GDPD1: variants seen among roughly 807,000 people sequenced by gnomAD.
GDPD1 encodes the protein lysophospholipase D GDPD1.
GDPD1 carries 28 observed loss-of-function variants against 45.1 expected under a neutral mutation model. That is an observed-to-expected ratio of 0.62 (90% CI 0.46 to 0.85). The LOEUF is 0.85. Ranked by LOEUF, GDPD1 falls within the 40% of genes least tolerant of loss-of-function variation. GDPD1 has a pLI of 0.00. For synonymous variants in GDPD1, 139 were observed against 131.4 expected, an observed-to-expected ratio of 1.06 and a Z score of -0.40; for missense variants, 256 against 364.8, an observed-to-expected ratio of 0.70 and a Z score of 2.43.
rs1367522656 is a variant in GDPD1, at chr17:59,275,471, A to G, written c.*1698A>G. 1 of 251,270 alleles carries G rather than the reference A, an allele frequency of 4.0e-6. No individual in the cohort carries two copies. The highest frequency in any genetic ancestry group is 8.0e-5 in the East Asian group (1 of 12,558). The allele number at this position is 251,270 out of a possible 1,614,324, so 15.6% of individuals were successfully genotyped here. On this transcript the variant is annotated 3_prime_UTR_variant, in exon 10 of 10. Transcript: ENST00000284116. ...AAAAGGAACTTACCAGTTGTAAATT[A>G]AGACAAGATCCAAATAGTCATATTT...
chr17:59,220,585 G>A lies in GDPD1; in HGVS notation c.-25G>A, dbSNP rs1459991301. On this transcript the variant is annotated 5_prime_UTR_variant, in exon 1 of 10. Transcript: ENST00000284116. ...GCGGAGTTCAGAGGGCCCGGAGGTG[G>A]GAGACTTCCCACACGGTGACTGAGA... 3 of 1,609,486 alleles carry A rather than the reference G, an allele frequency of 1.9e-6. No homozygotes were observed. Among genetic ancestry groups the A allele is most frequent in the Non-Finnish European group, 2.5e-6 (3 of 1,177,358 alleles).
At chr17:59,252,243 T>G (rs548904626) in intron 4 of GDPD1, among the ~76,000 whole-genome samples, 1 of 151,802 alleles carries the variant, frequency 6.6e-6, no homozygotes, top group South Asian at 2.1e-4. Context: ...ATACAAAAAT[T>G]TTTAAATTTT....
At chr17:59,267,614 T>C (rs932479921) in intron 7 of GDPD1, among the ~76,000 whole-genome samples, 1 of 151,240 alleles carries the variant, frequency 6.6e-6, no homozygotes, top group Non-Finnish European at 1.5e-5. Context: ...CCTCTGGAGA[T>C]AGGAAAATAA....
At position 59,275,199 on chromosome 17, in the gene GDPD1, G is replaced by T. The variant is rs1292687345; in HGVS notation, c.*1426G>T. ...TTTGGTAGTGTCTTGTTATTTCTAG[G>T]TGTACCTTAGTTAAAGAGGAAAAAT... On this transcript the variant is annotated 3_prime_UTR_variant, in exon 10 of 10. Coordinates refer to ENST00000284116, the MANE Select transcript of GDPD1 (RefSeq NM_182569.4). The T allele has an allele frequency of 2.0e-6, 3 of 1,536,440 alleles. No individual in the cohort carries two copies. In the African/African-American group the frequency reaches 4.1e-5, roughly 21 times the overall value.
intron 7 of GDPD1, among the ~76,000 whole-genome samples, chr17:59,270,527 C>T (rs968442492): frequency 1.3e-5 from 2 of 151,870 alleles, no homozygotes; most frequent in African/African-American, 2.4e-5. Flanking sequence ...AAGGAAAACA[C>T]GTGGTAAACT....
chr17:59,255,759 A>T (rs2047292963), intron 4 of GDPD1, among the ~76,000 whole-genome samples: 2 of 81,678 alleles, frequency 2.4e-5, no homozygotes, highest in African/African-American at 1.6e-4. Flanking sequence ...AAAAAAAAAA[A>T]AAAATATATA....
chr17:59,264,323 T>C (rs2047382119), intron 6 of GDPD1, among the ~76,000 whole-genome samples: 1 of 149,094 alleles, frequency 6.7e-6, no homozygotes, highest in East Asian at 2.0e-4. Context: ...TGAGACAGAG[T>C]CTCACTCTTG....
At chr17:59,252,869 G>A (rs1392972988) in intron 4 of GDPD1, among the ~76,000 whole-genome samples, 2 of 151,582 alleles carry the variant, frequency 1.3e-5, no homozygotes, top group South Asian at 2.1e-4. Flanking sequence ...ACATGGTGGC[G>A]TGCGCCTGTT....
intron 6 of GDPD1, among the ~76,000 whole-genome samples, chr17:59,265,429 T>G (rs3965903): frequency 0.44 from 66,842 of 151,362 alleles, 16,529 homozygotes; most frequent in African/African-American, 0.68. Context: ...TCCCAGCTGT[T>G]TGGGAGTCTG....
chr17:59,255,833 A>ATATATATATATATATACACACG (rs2047300907), intron 4 of GDPD1, among the ~76,000 whole-genome samples: 2 of 22,144 alleles, frequency 9.0e-5, no homozygotes, highest in Non-Finnish European at 1.6e-4. Flanking sequence ...ATATACGCGT[A>ATATATATATATATATACACACG]TATATATATA....
At chr17:59,221,315 G>C (rs1399462573) in intron 1 of GDPD1, among the ~76,000 whole-genome samples, 1 of 151,966 alleles carries the variant, frequency 6.6e-6, no homozygotes, top group Non-Finnish European at 1.5e-5. Flanking sequence ...GAGGGAAACC[G>C]AGTCCCCCGA....
chr17:59,267,857 A>G (rs985314881), intron 7 of GDPD1, among the ~76,000 whole-genome samples: 2 of 151,844 alleles, frequency 1.3e-5, no homozygotes, highest in Non-Finnish European at 2.9e-5. Flanking sequence ...TTTAGTAGAG[A>G]TGGGGCTTCA....
intron 3 of GDPD1, among the ~76,000 whole-genome samples, chr17:59,247,384 C>A (rs112974878): frequency 3.3e-5 from 5 of 152,086 alleles, no homozygotes; most frequent in Middle Eastern, 3.4e-3. Context: ...CCTATTCAGT[C>A]CCCCCTTCCC....
At chr17:59,234,559 G>T (rs2047117273) in intron 2 of GDPD1, 25 bp downstream of exon 2, 1 of 1,537,658 alleles carries the variant, frequency 6.5e-7, no homozygotes. Flanking sequence ...AAGGTAAAAG[G>T]TACTCTTTTC....
intron 3 of GDPD1, 118 bp downstream of exon 3, chr17:59,245,667 C>T (rs2047205170): frequency 9.6e-6 from 7 of 732,428 alleles, no homozygotes; most frequent in Non-Finnish European, 1.3e-5. Context: ...TGATTAAATA[C>T]TAAACATCAA....
chr17:59,255,870 TATATACAC>T lies in GDPD1; in HGVS notation c.368-1250_368-1243del, dbSNP rs780479391. The stretch of plus-strand genomic sequence containing the variant: ...ATATATACACACGTATATATATATA[TATATACAC>T]ACACACACACACACATATATATATA... On this transcript the variant is annotated intron_variant, in intron 4 of 9. Coordinates refer to ENST00000284116, the MANE Select transcript of GDPD1 (RefSeq NM_182569.4). 6.8e-3 allele frequency among the ~76,000 whole-genome samples: 629 copies of T among 91,874 alleles called. 16 individuals carry two copies. Among genetic ancestry groups the T allele is most frequent in the African/African-American group, 0.033 (580 of 17,634 alleles). The allele number at this position is 91,874 out of a possible 152,430, so 60.3% of individuals were successfully genotyped here. A position where few individuals can be genotyped will look rare whatever the true frequency, so the allele number is the denominator to read the frequency against.
intron 6 of GDPD1, among the ~76,000 whole-genome samples, chr17:59,259,523 C>T (rs866324980): frequency 2.2e-5 from 3 of 137,850 alleles, no homozygotes; most frequent in Non-Finnish European, 3.0e-5. Context: ...GCCGAGATCG[C>T]ACCACTGCAC....
intron 2 of GDPD1, among the ~76,000 whole-genome samples, chr17:59,244,653 T>A (rs776047425): frequency 4.0e-4 from 61 of 152,130 alleles, no homozygotes; most frequent in Non-Finnish European, 8.2e-4. Context: ...CTTTTGTTAA[T>A]TTTTTTCTTG....
chr17:59,236,325 T>A (rs1169692166), intron 2 of GDPD1, among the ~76,000 whole-genome samples: 1 of 152,234 alleles, frequency 6.6e-6, no homozygotes, highest in Non-Finnish European at 1.5e-5. Context: ...ATATTTTTCA[T>A]CTTGAACAGT....
Sources: allele counts gnomAD v4.1 joint callset (sites outside exome capture counted in the v4.1 genomes callset), GRCh38; gene constraint gnomAD v4.1.1; transcripts MANE v1.5; gene names NCBI Gene and HGNC (gene_info 2026-07-23, HGNC 2026-07-21).